The following PRKCE variants were observed in gnomAD, a reference collection of about 807,000 sequenced individuals.
PRKCE encodes the protein protein kinase C epsilon.
A neutral mutation model predicts 85.4 loss-of-function variants in PRKCE; 16 were observed. That is an observed-to-expected ratio of 0.19 (90% CI 0.13 to 0.28). The LOEUF is 0.28. PRKCE is among the 10% of genes least tolerant of loss of function. The pLI, the probability that PRKCE is intolerant of heterozygous loss-of-function variation, is 1.00. For synonymous variants in PRKCE, 388 were observed against 371.5 expected (o/e 1.04, Z -0.51); for missense variants, 573 against 975.2 (o/e 0.59, Z 5.49).
At chr2:45,665,545 G>GA (rs1272929210) in intron 1 of PRKCE, among the ~76,000 whole-genome samples, 1 of 151,966 alleles carries the variant, frequency 6.6e-6, no homozygotes, top group Non-Finnish European at 1.5e-5. Flanking sequence ...TCTTGAAGTA[G>GA]AAAAAAAAGT....
chr2:45,975,272 C>T (rs1702372437), intron 2 of PRKCE, among the ~76,000 whole-genome samples: 2 of 152,186 alleles, frequency 1.3e-5, no homozygotes, highest in African/African-American at 4.8e-5. Flanking sequence ...AGCGTAAGCC[C>T]ACGATAAACA....
At chr2:45,709,888 C>A (rs1679461826) in intron 1 of PRKCE, among the ~76,000 whole-genome samples, 1 of 152,164 alleles carries the variant, frequency 6.6e-6, no homozygotes, top group African/African-American at 2.4e-5. Flanking sequence ...CAGCTCACTG[C>A]AACCTCCACC....
At chr2:45,880,208 T>TA (rs1208042183) in intron 2 of PRKCE, among the ~76,000 whole-genome samples, 5 of 152,252 alleles carry the variant, frequency 3.3e-5, no homozygotes, top group Non-Finnish European at 7.3e-5. Context: ...CATTCTTTTT[T>TA]ATGGCTAAAG....
intron 1 of PRKCE, among the ~76,000 whole-genome samples, chr2:45,705,489 C>T (rs914154432): frequency 1.3e-5 from 2 of 152,230 alleles, no homozygotes; most frequent in African/African-American, 4.8e-5. Flanking sequence ...CCATTCCCTG[C>T]ACCGCATGCT....
intron 1 of PRKCE, among the ~76,000 whole-genome samples, chr2:45,661,216 T>C (rs1020442350): frequency 5.9e-5 from 9 of 152,198 alleles, no homozygotes; most frequent in Non-Finnish European, 1.0e-4. Flanking sequence ...GGAGTCTTGC[T>C]CTGTTGCCCA....
chr2:45,884,545 G>A (rs986072390), intron 2 of PRKCE, among the ~76,000 whole-genome samples: 2 of 152,048 alleles, frequency 1.3e-5, no homozygotes, highest in Admixed American at 1.3e-4. Flanking sequence ...GTCTTGTCTC[G>A]ACACCTACGA....
rs1168005233 is a variant in PRKCE, at chr2:45,868,513, G to A, written c.412+25450G>A. On this transcript the variant is annotated intron_variant, in intron 2 of 14. Coordinates refer to ENST00000306156, the MANE Select transcript of PRKCE (RefSeq NM_005400.3). ...TAATTTTTGTATTTTTAGTAGAGAC[G>A]GAGTTTCCCCATGTTGGCCAGGCTG... 3.3e-5 allele frequency among the ~76,000 whole-genome samples: 5 copies of A among 150,634 alleles called. No individual in the cohort carries two copies. In the East Asian group the frequency reaches 8.0e-4, roughly 24 times the overall value.
chr2:45,958,206 A>G (rs61201577), intron 2 of PRKCE, among the ~76,000 whole-genome samples: 17 of 150,012 alleles, frequency 1.1e-4, no homozygotes, highest in Non-Finnish European at 2.1e-4. Context: ...AAAAAAAAAA[A>G]AAAAAAAGAA....
chr2:45,691,631 C>G (rs1289713095), intron 1 of PRKCE, among the ~76,000 whole-genome samples: 1 of 152,232 alleles, frequency 6.6e-6, no homozygotes, highest in Non-Finnish European at 1.5e-5. Context: ...TATCATTATA[C>G]TCCACTTCGT....
intron 14 of PRKCE, among the ~76,000 whole-genome samples, chr2:46,177,682 A>G (rs1394713495): frequency 6.6e-6 from 1 of 152,220 alleles, no homozygotes; most frequent in Non-Finnish European, 1.5e-5. Flanking sequence ...ATTTCCAAAT[A>G]AGACCACATC....
chr2:46,150,268 A>G (rs1054093172), intron 12 of PRKCE, among the ~76,000 whole-genome samples: 17 of 152,226 alleles, frequency 1.1e-4, no homozygotes, highest in African/African-American at 4.1e-4. Context: ...ACAAGTGACC[A>G]TTGTCAAAGA....
intron 2 of PRKCE, among the ~76,000 whole-genome samples, chr2:45,899,795 C>T (rs1558810626): frequency 6.6e-6 from 1 of 152,230 alleles, no homozygotes; most frequent in East Asian, 1.9e-4. Flanking sequence ...TGAAGTTCCA[C>T]TTGCTGTTGA....
chr2:46,085,749 GT>G (rs1388907038), intron 10 of PRKCE, among the ~76,000 whole-genome samples: 1 of 18,660 alleles, frequency 5.4e-5, no homozygotes, highest in Non-Finnish European at 1.4e-4. Flanking sequence ...TTTTTTTTTT[GT>G]TTTTGTTTTT....
At chr2:45,915,007 G>C (rs1178987073) in intron 2 of PRKCE, among the ~76,000 whole-genome samples, 1 of 152,206 alleles carries the variant, frequency 6.6e-6, no homozygotes, top group East Asian at 1.9e-4. Context: ...CATGACCTCA[G>C]CTCACTGCCA....
intron 6 of PRKCE, among the ~76,000 whole-genome samples, chr2:45,988,627 C>T (rs980686989): frequency 2.0e-5 from 3 of 152,190 alleles, no homozygotes; most frequent in Non-Finnish European, 2.9e-5. Context: ...AAAATGCTGG[C>T]ACAAAGTGAG....
chr2:46,011,507 G>C (rs1705669676), intron 10 of PRKCE, among the ~76,000 whole-genome samples: 2 of 152,140 alleles, frequency 1.3e-5, no homozygotes, highest in South Asian at 4.1e-4. Flanking sequence ...AACTAGACTA[G>C]TCCCTGACCT....
intron 1 of PRKCE, among the ~76,000 whole-genome samples, chr2:45,669,098 C>G (rs970013914): frequency 6.6e-6 from 1 of 152,108 alleles, no homozygotes; most frequent in African/African-American, 2.4e-5. Flanking sequence ...TAGAAGCCCA[C>G]CCCCTCACAC....
At chr2:46,019,906 A>G (rs1463998406) in intron 10 of PRKCE, among the ~76,000 whole-genome samples, 1 of 141,438 alleles carries the variant, frequency 7.1e-6, no homozygotes, top group African/African-American at 2.8e-5. Context: ...CTGGAGTGCA[A>G]CGGCGCAATC....
chr2:45,693,731 C>T (rs190804536), intron 1 of PRKCE, among the ~76,000 whole-genome samples: 6 of 152,132 alleles, frequency 3.9e-5, no homozygotes, highest in Admixed American at 2.0e-4. Flanking sequence ...ATAAGGCAGT[C>T]GGGGTGGACC....
Sources: allele counts gnomAD v4.1 joint callset (sites outside exome capture counted in the v4.1 genomes callset), GRCh38; gene constraint gnomAD v4.1.1; transcripts MANE v1.5; gene names NCBI Gene and HGNC (gene_info 2026-07-23, HGNC 2026-07-21).